DPY19L2: variants seen among roughly 807,000 people sequenced by gnomAD.
DPY19L2 encodes dpy-19 like 2, also known as probable C-mannosyltransferase DPY19L2.
Under a neutral mutation model 97.9 loss-of-function variants are expected in DPY19L2, and 34 were observed. The ratio of observed to expected loss-of-function variants is 0.35; its 90% CI spans 0.26 to 0.46. The LOEUF is 0.46. Ranked by LOEUF, DPY19L2 falls within the 20% of genes least tolerant of loss-of-function variation. The pLI, the probability that DPY19L2 is intolerant of heterozygous loss-of-function variation, is 1.00. For synonymous variants in DPY19L2, 230 were observed against 307.9 expected (o/e 0.75, Z 2.65); for missense variants, 623 against 911.4 (o/e 0.68, Z 4.07).
At chr12:63,639,449 A>G (rs1214461951) in intron 6 of DPY19L2, among the ~76,000 whole-genome samples, 1 of 152,196 alleles carries the variant, frequency 6.6e-6, no homozygotes, top group East Asian at 1.9e-4. Context: ...CAATCTACCC[A>G]TCTGACAAAG....
chr12:63,666,741 G>A (rs1476011067), intron 1 of DPY19L2, among the ~76,000 whole-genome samples: 1 of 151,992 alleles, frequency 6.6e-6, no homozygotes, highest in African/African-American at 2.4e-5. Flanking sequence ...TTTCATTGTC[G>A]TCATGGAGGA....
At position 63,666,483 on chromosome 12, in the gene DPY19L2, T is replaced by C. The variant is rs190191202; in HGVS notation, c.338-624A>G. The C allele has an allele frequency of 2.8e-4, 124 of 441,594 alleles. 1 individual carries two copies. The highest frequency in any genetic ancestry group is 2.3e-3 in the African/African-American group (111 of 49,282). 27.4% of individuals were successfully genotyped at this position (441,594 alleles called of 1,614,324 possible). A position where few individuals can be genotyped will look rare whatever the true frequency, so the allele number is the denominator to read the frequency against. On this transcript the variant is annotated intron_variant, in intron 1 of 21. Transcript: ENST00000324472. ...ACTTCACCTGGGAGCTAGGAGACAC[T>C]GCTCTGGGTATGGAGCTTTTACAGG...
chr12:63,603,435 G>C (rs1302956557), intron 12 of DPY19L2, among the ~76,000 whole-genome samples: 1 of 152,092 alleles, frequency 6.6e-6, no homozygotes, highest in Non-Finnish European at 1.5e-5. Flanking sequence ...GTAAACATGT[G>C]CCATGGTGGT....
chr12:63,631,954 C>A (rs1050713442), intron 6 of DPY19L2, among the ~76,000 whole-genome samples: 1 of 152,022 alleles, frequency 6.6e-6, no homozygotes, highest in Admixed American at 6.6e-5. Flanking sequence ...ACAGAACCAA[C>A]GTCAAAAACC....
At chr12:63,608,402 G>T (rs965283034) in intron 12 of DPY19L2, among the ~76,000 whole-genome samples, 1 of 152,164 alleles carries the variant, frequency 6.6e-6, no homozygotes, top group Non-Finnish European at 1.5e-5. Context: ...AGTTAGTTGT[G>T]AAATATGTGA....
intron 6 of DPY19L2, among the ~76,000 whole-genome samples, chr12:63,632,953 A>T (rs1358087210): frequency 6.6e-6 from 1 of 152,174 alleles, no homozygotes; most frequent in Non-Finnish European, 1.5e-5. Flanking sequence ...TGACAAAAAC[A>T]AGCAATGGGG....
At chr12:63,634,618 C>T (rs1200058438) in intron 6 of DPY19L2, among the ~76,000 whole-genome samples, 1 of 152,082 alleles carries the variant, frequency 6.6e-6, no homozygotes, top group Non-Finnish European at 1.5e-5. Flanking sequence ...TAGCAAACGG[C>T]ACACCAGGAG....
In DPY19L2 at chr12:63,576,558, C is replaced by CAA. The variant is rs536914471; in HGVS notation, c.1900+4102_1900+4103dup. Among the ~76,000 whole-genome samples, 271 of 144,984 alleles carry CAA rather than the reference C, an allele frequency of 1.9e-3. 2 individuals carry two copies. Among genetic ancestry groups the CAA allele is most frequent in the African/African-American group, 6.6e-3 (265 of 40,058 alleles). ...ATTTAGAAAAACCTAAAGTCTCCAC[C>CAA]AAAAAAAAAACTATTAGAACTGATA... On this transcript the variant is annotated intron_variant, in intron 19 of 21. Transcript: ENST00000324472.
intron 4 of DPY19L2, among the ~76,000 whole-genome samples, chr12:63,652,392 T>G (rs1050466026): frequency 3.6e-4 from 55 of 152,088 alleles, no homozygotes; most frequent in Non-Finnish European, 6.3e-4. Context: ...AAAACTGAAC[T>G]ACCATTTGAC....
chr12:63,632,967 C>G (rs1377061930), intron 6 of DPY19L2, among the ~76,000 whole-genome samples: 3 of 151,942 alleles, frequency 2.0e-5, no homozygotes, highest in South Asian at 2.1e-4. Context: ...AATGGGGAAA[C>G]GATTCCCTAT....
intron 4 of DPY19L2, chr12:63,652,050 T>A (rs4124772): frequency 1.1e-5 from 2 of 175,514 alleles, no homozygotes; most frequent in Admixed American, 1.2e-4. Context: ...ACCTACCACA[T>A]CATGCAGGCC....
At chr12:63,623,234 A>C (rs1201482712) in intron 8 of DPY19L2, among the ~76,000 whole-genome samples, 2 of 151,726 alleles carry the variant, frequency 1.3e-5, no homozygotes, top group East Asian at 1.9e-4. Flanking sequence ...TAATCCCTAC[A>C]AAAAAAGTGT....
chr12:63,597,024 G>A lies in DPY19L2; in HGVS notation c.1461+785C>T, dbSNP rs556541572. Reference sequence around the variant, plus strand: ...GTCTCACTCTGTCACCCAGGCTGGAGTGCATTGGTGCGATCTCAGCTCATT... The same window carrying A: ...GTCTCACTCTGTCACCCAGGCTGGAATGCATTGGTGCGATCTCAGCTCATT... On this transcript the variant is annotated intron_variant, in intron 14 of 21. Transcript: ENST00000324472. Among the ~76,000 whole-genome samples the A allele has an allele frequency of 1.1e-4, 17 of 152,078 alleles. No individual in the cohort carries two copies. In the South Asian group the frequency reaches 2.1e-3, roughly 19 times the overall value.
chr12:63,659,690 G>A (rs1181692309), intron 4 of DPY19L2, among the ~76,000 whole-genome samples: 3 of 152,072 alleles, frequency 2.0e-5, no homozygotes, highest in East Asian at 3.8e-4. Flanking sequence ...TTCAACGATT[G>A]TACCGAGACA....
chr12:63,580,558 C>T, intron 19 of DPY19L2, 104 bp downstream of exon 19: 1 of 1,189,462 alleles, frequency 8.4e-7, no homozygotes, highest in Non-Finnish European at 1.1e-6. Context: ...ATCTGTCATA[C>T]ACACATACAC....
intron 18 of DPY19L2, among the ~76,000 whole-genome samples, chr12:63,581,864 G>A (rs1285578163): frequency 1.3e-5 from 2 of 149,536 alleles, no homozygotes; most frequent in Non-Finnish European, 3.0e-5. Context: ...GCTGTGATGC[G>A]ATCTTGGCTG....
intron 11 of DPY19L2, among the ~76,000 whole-genome samples, chr12:63,616,806 C>T (rs945956174): frequency 6.6e-6 from 1 of 152,144 alleles, no homozygotes; most frequent in Non-Finnish European, 1.5e-5. Flanking sequence ...TACTGTCACA[C>T]CATCGTTTGA....
intron 4 of DPY19L2, among the ~76,000 whole-genome samples, chr12:63,656,134 T>C (rs1894942177): frequency 6.6e-6 from 1 of 152,204 alleles, no homozygotes; most frequent in Non-Finnish European, 1.5e-5. Flanking sequence ...GCTGCTGACA[T>C]TGCTGGAAGG....
intron 12 of DPY19L2, among the ~76,000 whole-genome samples, chr12:63,607,231 G>T (rs1157364025): frequency 2.0e-5 from 3 of 151,840 alleles, no homozygotes; most frequent in African/African-American, 7.3e-5. Flanking sequence ...AATTTTTTTT[G>T]ATGCTTATGG....
Sources: gnomAD v4.1 joint callset for allele counts (sites outside exome capture counted in the v4.1 genomes callset) on GRCh38, gnomAD v4.1.1 for gene constraint, MANE v1.5 for transcripts, NCBI Gene and HGNC (gene_info 2026-07-23, HGNC 2026-07-21) for gene names.